Variants in WWOX observed in about 807,000 individuals in gnomAD.
WWOX encodes the protein WW domain containing oxidoreductase.
Under a neutral mutation model 46.2 loss-of-function variants are expected in WWOX, and 69 were observed. The ratio of observed to expected loss-of-function variants is 1.49; its 90% CI spans 1.23 to 1.82. The LOEUF (loss-of-function observed/expected upper bound fraction) is 1.82, where lower values mean the gene tolerates loss of function less well. Among genes scored for constraint, WWOX ranks in the 40% most tolerant of loss-of-function variants. WWOX has a pLI of 0.00. For synonymous variants in WWOX, 359 were observed against 202.6 expected, an observed-to-expected ratio of 1.77 and a Z score of -6.56; for missense variants, 919 against 542.6, an observed-to-expected ratio of 1.69 and a Z score of -6.89.
At chr16:78,387,389 G>T (rs1597145183) in intron 6 of WWOX, among the ~76,000 whole-genome samples, 1 of 152,190 alleles carries the variant, frequency 6.6e-6, no homozygotes, top group East Asian at 1.9e-4. Flanking sequence ...AGCCTTCGAT[G>T]ATTTGATGTG....
chr16:78,651,696 A>C (rs1033608220), intron 8 of WWOX, among the ~76,000 whole-genome samples: 1 of 152,166 alleles, frequency 6.6e-6, no homozygotes, highest in Non-Finnish European at 1.5e-5. Flanking sequence ...GGTGTTAAGC[A>C]TCAGTACATA....
chr16:78,683,154 G>A (rs1293985592), intron 8 of WWOX, among the ~76,000 whole-genome samples: 1 of 152,080 alleles, frequency 6.6e-6, no homozygotes, highest in Non-Finnish European at 1.5e-5. Context: ...GAGCAGGTAA[G>A]GAAAACACTG....
intron 5 of WWOX, among the ~76,000 whole-genome samples, chr16:78,193,739 T>C (rs1043303240): frequency 1.3e-5 from 2 of 152,074 alleles, no homozygotes; most frequent in Non-Finnish European, 2.9e-5. Context: ...CAAAACTAAT[T>C]TGGGATTTTT....
chr16:78,682,176 C>T (rs1351440313), intron 8 of WWOX, among the ~76,000 whole-genome samples: 1 of 152,190 alleles, frequency 6.6e-6, no homozygotes, highest in Non-Finnish European at 1.5e-5. Context: ...TTTACACCTA[C>T]AAATCAGGAT....
At chr16:78,992,678 A>G (rs2046912018) in intron 8 of WWOX, among the ~76,000 whole-genome samples, 2 of 152,118 alleles carry the variant, frequency 1.3e-5, no homozygotes, top group Non-Finnish European at 2.9e-5. Context: ...AGAAGCCTCA[A>G]GCCTAACCAA....
At chr16:78,670,061 A>G (rs989668727) in intron 8 of WWOX, among the ~76,000 whole-genome samples, 5 of 152,182 alleles carry the variant, frequency 3.3e-5, no homozygotes, top group Non-Finnish European at 5.9e-5. Flanking sequence ...ATGGTGGCCA[A>G]GAATTTTAAA....
chr16:78,376,703 C>G (rs1173547468), intron 5 of WWOX, among the ~76,000 whole-genome samples: 29 of 152,120 alleles, frequency 1.9e-4, no homozygotes, highest in Non-Finnish European at 8.8e-5. Flanking sequence ...AGTTCACTTT[C>G]CAACAAGTTG....
intron 8 of WWOX, among the ~76,000 whole-genome samples, chr16:79,056,738 C>G (rs1423600624): frequency 6.6e-6 from 1 of 152,162 alleles, no homozygotes; most frequent in African/African-American, 2.4e-5. Context: ...TACCGTATCC[C>G]TTTAACTCAA....
At chr16:78,950,525 CACACACAT>C (rs1028709201) in intron 8 of WWOX, among the ~76,000 whole-genome samples, 3 of 81,766 alleles carry the variant, frequency 3.7e-5, no homozygotes, top group African/African-American at 8.7e-5. Flanking sequence ...GGAACACACA[CACACACAT>C]ACACACACAC....
In WWOX at chr16:78,492,330, A is replaced by T. The variant is rs188205100; in HGVS notation, c.1056+59578A>T. Among the ~76,000 whole-genome samples, 7 of 152,300 alleles carry T rather than the reference A, an allele frequency of 4.6e-5. No individual in the cohort carries two copies. In the East Asian group the frequency reaches 1.4e-3, roughly 29 times the overall value. ...TTTTCTTCTTTTCTATCTGCTAGCAAAGTGGGTAAGTTGACCCATGACATC... is the reference window on the plus strand; with the variant it reads ...TTTTCTTCTTTTCTATCTGCTAGCATAGTGGGTAAGTTGACCCATGACATC... On this transcript the variant is annotated intron_variant, in intron 8 of 8. Coordinates refer to ENST00000566780, the MANE Select transcript of WWOX (RefSeq NM_016373.4).
chr16:78,196,390 G>A (rs1341039282), intron 5 of WWOX, among the ~76,000 whole-genome samples: 1 of 152,130 alleles, frequency 6.6e-6, no homozygotes, highest in South Asian at 2.1e-4. Flanking sequence ...CCTAAAGAGA[G>A]TAATTACTGC....
intron 8 of WWOX, among the ~76,000 whole-genome samples, chr16:78,862,979 A>C (rs2043923778): frequency 1.0e-5 from 1 of 97,264 alleles, no homozygotes; most frequent in Non-Finnish European, 2.1e-5. Flanking sequence ...TTTTTTTTTG[A>C]GATGGAGTCT....
intron 8 of WWOX, among the ~76,000 whole-genome samples, chr16:78,455,481 A>G (rs1296263240): frequency 6.6e-6 from 1 of 151,818 alleles, no homozygotes; most frequent in Non-Finnish European, 1.5e-5. Flanking sequence ...TCTCTACTAA[A>G]AACACAAAAA....
At chr16:78,894,020 T>TTTTTTATTA (rs1555561420) in intron 8 of WWOX, among the ~76,000 whole-genome samples, 1 of 140,080 alleles carries the variant, frequency 7.1e-6, no homozygotes, top group East Asian at 2.1e-4. Flanking sequence ...TATTGAGGCT[T>TTTTTTATTA]TTATTATTAT....
At chr16:78,859,027 A>AATATATATATAT (rs1555551611) in intron 8 of WWOX, among the ~76,000 whole-genome samples, 2 of 23,684 alleles carry the variant, frequency 8.4e-5, no homozygotes, top group African/African-American at 1.8e-4. Flanking sequence ...AAAAAAAAAA[A>AATATATATATAT]ATATATATAT....
At chr16:78,110,371 C>T (rs2032422332) in intron 3 of WWOX, among the ~76,000 whole-genome samples, 1 of 149,156 alleles carries the variant, frequency 6.7e-6, no homozygotes, top group Non-Finnish European at 1.5e-5. Flanking sequence ...AGAGGGAATG[C>T]ACTGTGTGGA....
chr16:78,339,269 T>C lies in WWOX; in HGVS notation c.517-47591T>C, dbSNP rs1463742847. Among the ~76,000 whole-genome samples, 2 of 117,888 alleles carry C rather than the reference T, an allele frequency of 1.7e-5. 1 individual carries two copies. 77.3% of individuals were successfully genotyped at this position (117,888 alleles called of 152,430 possible). On this transcript the variant is annotated intron_variant, in intron 5 of 8. Coordinates refer to ENST00000566780, the MANE Select transcript of WWOX (RefSeq NM_016373.4). ...CACCTTATTTTTTCCCTGGAGTTAA[T>C]ACTCATCTTTTTTTAGAAATTTGCT...
intron 5 of WWOX, among the ~76,000 whole-genome samples, chr16:78,220,162 A>C (rs1339359228): frequency 6.6e-6 from 1 of 152,124 alleles, no homozygotes; most frequent in Non-Finnish European, 1.5e-5. Context: ...GGTGTCTAGA[A>C]CATGTTGGGA....
At chr16:78,841,903 A>G (rs1419005156) in intron 8 of WWOX, among the ~76,000 whole-genome samples, 2 of 152,158 alleles carry the variant, frequency 1.3e-5, no homozygotes, top group Non-Finnish European at 2.9e-5. Flanking sequence ...GAGGGTCTCG[A>G]TTATTGGGCT....
Sources: gnomAD v4.1 joint callset for allele counts (sites outside exome capture counted in the v4.1 genomes callset) on GRCh38, gnomAD v4.1.1 for gene constraint, MANE v1.5 for transcripts, NCBI Gene and HGNC (gene_info 2026-07-23, HGNC 2026-07-21) for gene names.